DRC9: variants seen among roughly 807,000 people sequenced by gnomAD.
DRC9 encodes the protein dynein regulatory complex subunit 9.
At chr3:197,938,147 G>A in the DRC9 span, among the ~76,000 whole-genome samples, 1 of 151,660 alleles carries the variant, frequency 6.6e-6, no homozygotes, top group Non-Finnish European at 1.5e-5. Flanking sequence ...GAAACCCGTT[G>A]TCTACTAAAA....
chr3:197,953,386 T>G, the DRC9 span: 1 of 455,120 alleles, frequency 2.2e-6, no homozygotes, highest in African/African-American at 2.0e-5. Context: ...TTAAAGGAAA[T>G]ATATATAAAG....
At chr3:197,934,200 T>TTTTTTTTTTTTTTTTTTTTA in the DRC9 span, among the ~76,000 whole-genome samples, 1 of 146,876 alleles carries the variant, frequency 6.8e-6, no homozygotes, top group Non-Finnish European at 1.5e-5. Context: ...TTTTTTTTTT[T>TTTTTTTTTTTTTTTTTTTTA]GAGACAAGAG....
At chr3:197,917,666 C>T in the DRC9 span, among the ~76,000 whole-genome samples, 1 of 151,844 alleles carries the variant, frequency 6.6e-6, no homozygotes, top group African/African-American at 2.4e-5. Flanking sequence ...CTGCTTTTGG[C>T]TCACTGTTTT....
the DRC9 span, chr3:197,944,023 G>C: frequency 6.2e-7 from 1 of 1,614,082 alleles, no homozygotes; most frequent in Non-Finnish European, 8.5e-7. Context: ...CAAACTTTTG[G>C]AGGAAGGTTT....
At chr3:197,938,688 C>T in the DRC9 span, 1 of 1,614,148 alleles carries the variant, frequency 6.2e-7, no homozygotes, top group East Asian at 2.2e-5. Context: ...TGGGTCCTTC[C>T]TCAGTTATTA....
chr3:197,934,092 C>T, the DRC9 span, among the ~76,000 whole-genome samples: 1 of 144,942 alleles, frequency 6.9e-6, no homozygotes, highest in Non-Finnish European at 1.5e-5. Context: ...ATTGATCTTT[C>T]TATTTATTTA....
At chr3:197,904,091 T>C in the DRC9 span, among the ~76,000 whole-genome samples, 71,881 of 105,020 alleles carry the variant, frequency 0.68, 23,201 homozygotes, top group East Asian at 0.8. Context: ...TACATACATA[T>C]ATATATATAT....
chr3:197,950,856 T>C, the DRC9 span: 1 of 1,349,714 alleles, frequency 7.4e-7, no homozygotes, highest in South Asian at 1.2e-5. Flanking sequence ...AGGAATTTGC[T>C]TTAGGGGCTT....
At chr3:197,897,166 T>G in the DRC9 span, among the ~76,000 whole-genome samples, 1 of 152,070 alleles carries the variant, frequency 6.6e-6, no homozygotes, top group African/African-American at 2.4e-5. Flanking sequence ...CAGTATAGCT[T>G]TATGCTAATA....
chr3:197,937,637 G>A, the DRC9 span, among the ~76,000 whole-genome samples: 431 of 152,060 alleles, frequency 2.8e-3, no homozygotes, highest in African/African-American at 9.4e-3. Flanking sequence ...CCACCACCAC[G>A]CCTGGCTAAT....
the DRC9 span, among the ~76,000 whole-genome samples, chr3:197,895,544 G>A: frequency 6.6e-6 from 1 of 152,192 alleles, no homozygotes; most frequent in Non-Finnish European, 1.5e-5. Context: ...GGGATTACAA[G>A]TGTGAGGCAC....
chr3:197,889,570 G>C, the DRC9 span: 1 of 1,614,146 alleles, frequency 6.2e-7, no homozygotes, highest in Non-Finnish European at 8.5e-7. Context: ...AAACACAAAA[G>C]AGAACTTGGT....
chr3:197,926,637 TTC>T, the DRC9 span, among the ~76,000 whole-genome samples: 1 of 152,122 alleles, frequency 6.6e-6, no homozygotes, highest in Non-Finnish European at 1.5e-5. Flanking sequence ...TCTGCAATCC[TTC>T]TCTGTGTGTT....
the DRC9 span, among the ~76,000 whole-genome samples, chr3:197,934,979 G>A: frequency 6.6e-6 from 1 of 151,588 alleles, no homozygotes. Context: ...TCAAAATAAT[G>A]ATAATAATAA....
chr3:197,960,168 A>C, the DRC9 span: 1 of 1,478,710 alleles, frequency 6.8e-7, no homozygotes, highest in South Asian at 1.2e-5. Flanking sequence ...CCCTCCGTCT[A>C]CCCCCAGCGG....
the DRC9 span, among the ~76,000 whole-genome samples, chr3:197,936,471 C>T: frequency 6.6e-6 from 1 of 151,996 alleles, no homozygotes; most frequent in Non-Finnish European, 1.5e-5. Context: ...CTCGGGTGAT[C>T]CTCCCACCTC....
chr3:197,891,477 T>C, the DRC9 span: 2 of 1,602,074 alleles, frequency 1.2e-6, no homozygotes, highest in Non-Finnish European at 1.7e-6. Context: ...CAAGAGATCC[T>C]GTTTTACCTT....
chr3:197,894,959 G>A, the DRC9 span, among the ~76,000 whole-genome samples: 7 of 151,982 alleles, frequency 4.6e-5, no homozygotes, highest in South Asian at 2.1e-4. Flanking sequence ...ACTCAGAGCC[G>A]AGGCAGGGTG....
the DRC9 span, among the ~76,000 whole-genome samples, chr3:197,919,621 A>G: frequency 2.0e-5 from 3 of 152,212 alleles, no homozygotes; most frequent in Non-Finnish European, 4.4e-5. Context: ...TCAGAGAAGC[A>G]TGATTTACTA....
Sources: allele counts gnomAD v4.1 joint callset (sites outside exome capture counted in the v4.1 genomes callset), GRCh38; gene constraint gnomAD v4.1.1; transcripts MANE v1.5; gene names NCBI Gene and HGNC (gene_info 2026-07-23, HGNC 2026-07-21).